The following HEATR9 variants were observed in gnomAD, a reference collection of about 807,000 sequenced individuals.
HEATR9 encodes protein HEATR9.
In HEATR9, 54 loss-of-function variants were observed where a neutral mutation model predicts 68.2. The observed-to-expected ratio is 0.79, with a 90% CI of 0.64 to 0.99. The LOEUF (loss-of-function observed/expected upper bound fraction) is 0.99. Among genes scored for constraint, HEATR9 ranks in the 50% least tolerant of loss-of-function variants. HEATR9 has a pLI of 0.00. For synonymous variants in HEATR9, 241 were observed against 253.5 expected (o/e 0.95, Z 0.47); for missense variants, 662 against 679.7 (o/e 0.97, Z 0.29).
chr17:35,865,463 A>T, intron 2 of HEATR9, 67 bp from the exon 3 acceptor site: 1 of 1,240,948 alleles, frequency 8.1e-7, no homozygotes, highest in Non-Finnish European at 1.1e-6. Context: ...GGGTATGGGG[A>T]GGAGGGGGTA....
chr17:35,863,318 T>C (rs961689369), intron 7 of HEATR9, among the ~76,000 whole-genome samples, 184 bp downstream of exon 7: 3 of 152,216 alleles, frequency 2.0e-5, no homozygotes, highest in Admixed American at 1.3e-4. Flanking sequence ...CCTCTCCCTC[T>C]TTCTAATCTC....
chr17:35,862,013 A>G (rs9908928), intron 8 of HEATR9, among the ~76,000 whole-genome samples: 40,259 of 150,952 alleles, frequency 0.27, 6,359 homozygotes, highest in African/African-American at 0.44. Context: ...GGGTCACCAC[A>G]CCTGGCTAAG....
At chr17:35,867,948 T>A (rs1304731148) in intron 1 of HEATR9, among the ~76,000 whole-genome samples, 3 of 152,084 alleles carry the variant, frequency 2.0e-5, no homozygotes, top group Non-Finnish European at 4.4e-5. Context: ...ACCCAGCTAA[T>A]TTTTGTATTT....
chr17:35,858,366 C>T (rs1359395962), intron 10 of HEATR9, 47 bp from the exon 11 acceptor site: 1 of 1,614,018 alleles, frequency 6.2e-7, no homozygotes, highest in Admixed American at 1.7e-5. Context: ...AAGATGGATT[C>T]CCTTCTTCAT....
intron 12 of HEATR9, 43 bp from the exon 13 acceptor site, chr17:35,856,267 T>G: frequency 6.2e-7 from 1 of 1,613,506 alleles, no homozygotes; most frequent in Non-Finnish European, 8.5e-7. Flanking sequence ...AATTAAGGAG[T>G]AGGGGAAGTG....
In HEATR9 at chr17:35,868,817, G is replaced by T; in HGVS notation, c.-75C>A. On this transcript the variant is annotated 5_prime_UTR_variant, in exon 1 of 15. Transcript: ENST00000604834. ...CTTTTAGGGGAGTGGGGGCACAGCTGGAGGAGACCTGTCCTCTGTGGTACG... is the reference window on the plus strand; with the variant it reads ...CTTTTAGGGGAGTGGGGGCACAGCTTGAGGAGACCTGTCCTCTGTGGTACG... The T allele has an allele frequency of 7.7e-7, 1 of 1,306,424 alleles. No individual in the cohort carries two copies. The highest frequency in any genetic ancestry group is 1.1e-6 in the Non-Finnish European group (1 of 909,658). The allele number at this position is 1,306,424 out of a possible 1,614,324, so 80.9% of individuals were successfully genotyped here.
Position 35,855,682 on chromosome 17 carries a change from G to A in HEATR9, c.1347C>T (p.His449=). The A allele has an allele frequency of 6.2e-7, 1 of 1,614,144 alleles. No individual in the cohort carries two copies. The highest frequency in any genetic ancestry group is 8.5e-7 in the Non-Finnish European group (1 of 1,180,002). Residue 449 remains histidine, a synonymous_variant, in exon 14 of 15, where the codon CAC becomes CAT. Transcript: ENST00000604834. ...LLLDLLDAEN[H]QAVKKSLQET... The stretch of plus-strand genomic sequence containing the variant: ...TACTTACACTCTTCTTCACAGCCTG[G>A]TGGTTTTCTGCATCTAGTAAGTCCA...
intron 8 of HEATR9, chr17:35,861,289 A>G: frequency 7.2e-7 from 1 of 1,380,056 alleles, no homozygotes; most frequent in Non-Finnish European, 1.0e-6. Context: ...AACTCTCTTC[A>G]TTGCGTCAAT....
intron 8 of HEATR9, among the ~76,000 whole-genome samples, chr17:35,860,029 T>G (rs1012278948): frequency 6.6e-6 from 1 of 152,228 alleles, no homozygotes; most frequent in Admixed American, 6.5e-5. Flanking sequence ...TATAACCATC[T>G]ATCTAAGGCC....
rs763870573 is a variant in HEATR9, at chr17:35,864,780, G to A, written c.431C>T (p.Pro144Leu). The A allele has an allele frequency of 6.2e-7, 1 of 1,614,158 alleles. No homozygotes were observed. Among genetic ancestry groups the A allele is most frequent in the Non-Finnish European group, 8.5e-7 (1 of 1,180,036 alleles). ...RSRPLEPTQDPLKWQRLRELT... is the reference protein window; with the variant it reads ...RSRPLEPTQDLLKWQRLRELT... Reference sequence around the variant, plus strand: ...GACCCTTAATCTTTGCCACTTCAGGGGGTCCTGGGTAGGCTCTAAGGGCCT... The same window carrying A: ...GACCCTTAATCTTTGCCACTTCAGGAGGTCCTGGGTAGGCTCTAAGGGCCT... Residue 144 changes from proline to leucine, a missense_variant, in exon 4 of 15, where the codon CCC becomes CTC. Transcript: ENST00000604834.
chr17:35,866,834 TTGG>T, intron 1 of HEATR9, 61 bp from the exon 2 acceptor site: 1 of 1,549,578 alleles, frequency 6.5e-7, no homozygotes, highest in Non-Finnish European at 8.9e-7. Flanking sequence ...CAGGCCAGGC[TTGG>T]TGGCTTCTGC....
intron 13 of HEATR9, 97 bp downstream of exon 13, chr17:35,856,076 T>C: frequency 7.5e-7 from 1 of 1,330,102 alleles, no homozygotes; most frequent in Non-Finnish European, 1.1e-6. Context: ...TTCCCCGAAG[T>C]TTACAGGCCT....
chr17:35,858,826 CCA>C, intron 9 of HEATR9, 60 bp downstream of exon 9: 5 of 1,569,200 alleles, frequency 3.2e-6, no homozygotes, highest in Non-Finnish European at 4.3e-6. Context: ...AGGATCCAGA[CCA>C]CACACAATTC....
chr17:35,861,191 C>G, intron 8 of HEATR9: 1 of 1,601,324 alleles, frequency 6.2e-7, no homozygotes, highest in African/African-American at 1.3e-5. Context: ...TGCTTGACTT[C>G]TTTGATATCC....
In HEATR9 at chr17:35,861,456, A is replaced by G. The variant is rs190265594; in HGVS notation, c.756+1539T>C. 3.1e-5 allele frequency: 49 copies of G among 1,576,058 alleles called. No individual in the cohort carries two copies. The East Asian group carries it at 5.4e-4, about 17-fold the overall frequency. On this transcript the variant is annotated intron_variant, in intron 8 of 14. Transcript: ENST00000604834. ...GATTGCGCTTCTTTTTAAAGTTTCTATGACACTTAGATTTACAAAATCTGA... is the reference window on the plus strand; with the variant it reads ...GATTGCGCTTCTTTTTAAAGTTTCTGTGACACTTAGATTTACAAAATCTGA...
Position 35,855,714 on chromosome 17 carries a change from A to C in HEATR9, c.1315T>G (p.Leu439Val). Residue 439 changes from leucine to valine, a missense_variant, in exon 14 of 15, where the codon TTG becomes GTG. Coordinates refer to ENST00000604834, the MANE Select transcript of HEATR9 (RefSeq NM_152781.4). ...TCTGCATCTAGTAAGTCCAGGAGCA[A>C]GTGGAACACTTGTGGACTGCGGATC... ...LGIRSPQVFH[L>V]LLDLLDAENH... is the part of the protein sequence containing the mutation. The C allele has an allele frequency of 6.2e-7, 1 of 1,614,104 alleles. No homozygotes were observed. Among genetic ancestry groups the C allele is most frequent in the Non-Finnish European group, 8.5e-7 (1 of 1,180,000 alleles).
chr17:35,866,905 C>T (rs983876814), intron 1 of HEATR9, 132 bp from the exon 2 acceptor site: 10 of 798,820 alleles, frequency 1.3e-5, no homozygotes, highest in South Asian at 2.8e-5. Context: ...GTCAGGAGTT[C>T]GAGACCAGCC....
chr17:35,862,368 T>C lies in HEATR9; in HGVS notation c.756+627A>G, dbSNP rs2088024845. ...GATGAATGATGGATTTTCTTTTACA[T>C]AGAGCAATGATGGGGTCAAAGTAAG... On this transcript the variant is annotated intron_variant, in intron 8 of 14. Coordinates refer to ENST00000604834, the MANE Select transcript of HEATR9 (RefSeq NM_152781.4). 2.0e-5 allele frequency among the ~76,000 whole-genome samples: 3 copies of C among 152,120 alleles called. No individual in the cohort carries two copies. In the South Asian group the frequency reaches 6.2e-4, roughly 31 times the overall value.
intron 11 of HEATR9, among the ~76,000 whole-genome samples, chr17:35,857,535 A>G (rs1305400211): frequency 6.6e-6 from 1 of 152,156 alleles, no homozygotes; most frequent in Non-Finnish European, 1.5e-5. Context: ...CGAGGTGGGC[A>G]GATCACGAGG....
Sources: gnomAD v4.1 joint callset for allele counts (sites outside exome capture counted in the v4.1 genomes callset) on GRCh38, gnomAD v4.1.1 for gene constraint, MANE v1.5 for transcripts, NCBI Gene and HGNC (gene_info 2026-07-23, HGNC 2026-07-21) for gene names.